Variants in COMMD10 observed in about 807,000 individuals in gnomAD.
COMMD10 encodes the protein COMM domain-containing protein 10.
In COMMD10, 33 loss-of-function variants were observed where a neutral mutation model predicts 28.9. The ratio of observed to expected loss-of-function variants is 1.14; its 90% CI spans 0.87 to 1.53. COMMD10 has a LOEUF of 1.53. Ranked by LOEUF, COMMD10 falls within the 40% of genes most tolerant of loss-of-function variation. COMMD10 has a pLI of 0.00. For missense variants in COMMD10, 310 were observed against 233.4 expected (o/e 1.33, Z -2.14); for synonymous variants, 110 against 81.7 (o/e 1.35, Z -1.87).
intron 5 of COMMD10, among the ~76,000 whole-genome samples, chr5:116,195,371 G>A (rs1002709114): frequency 1.3e-5 from 2 of 151,808 alleles, no homozygotes; most frequent in African/African-American, 2.4e-5. Context: ...GAGAAAGACT[G>A]TCAGTGTTTG....
chr5:116,245,987 C>A (rs1379379786), intron 5 of COMMD10, among the ~76,000 whole-genome samples: 1 of 152,024 alleles, frequency 6.6e-6, no homozygotes, highest in Non-Finnish European at 1.5e-5. Context: ...CTGGCCAGGG[C>A]AAATAGGCCA....
At chr5:116,238,103 G>A (rs1251278237) in intron 5 of COMMD10, among the ~76,000 whole-genome samples, 2 of 152,190 alleles carry the variant, frequency 1.3e-5, no homozygotes, top group African/African-American at 4.8e-5. Context: ...TAGAGTTCCA[G>A]TAGGAGGCCA....
chr5:116,225,642 T>A (rs1246308024), intron 5 of COMMD10, among the ~76,000 whole-genome samples: 1 of 152,138 alleles, frequency 6.6e-6, no homozygotes, highest in African/African-American at 2.4e-5. Flanking sequence ...TTCTTTGTTG[T>A]TTCTTTGTGT....
intron 5 of COMMD10, among the ~76,000 whole-genome samples, chr5:116,165,179 T>C (rs547373027): frequency 1.3e-5 from 2 of 152,278 alleles, no homozygotes; most frequent in South Asian, 4.1e-4. Context: ...ATGAGAAAAG[T>C]CTGAATTATC....
chr5:116,131,161 G>T (rs181581990), intron 4 of COMMD10, among the ~76,000 whole-genome samples: 1 of 151,998 alleles, frequency 6.6e-6, no homozygotes, highest in Non-Finnish European at 1.5e-5. Flanking sequence ...AGTGAGGCAG[G>T]TCTTATTGTG....
chr5:116,195,554 T>C (rs1036936392), intron 5 of COMMD10, among the ~76,000 whole-genome samples: 1 of 152,008 alleles, frequency 6.6e-6, no homozygotes, highest in South Asian at 2.1e-4. Context: ...CAACCCCTTT[T>C]ACAATAGCAA....
At chr5:116,291,725 A>G (rs974531820) in intron 6 of COMMD10, 149 bp downstream of exon 6, 1 of 525,648 alleles carries the variant, frequency 1.9e-6, no homozygotes, top group Non-Finnish European at 3.3e-6. Context: ...CACAGGAGGA[A>G]GTATAGCAGA....
intron 5 of COMMD10, among the ~76,000 whole-genome samples, chr5:116,253,555 CAT>C (rs1315202330): frequency 2.9e-5 from 4 of 135,712 alleles, no homozygotes; most frequent in Non-Finnish European, 6.3e-5. Flanking sequence ...TTGAGATAAT[CAT>C]GTGGTTTTTG....
chr5:116,282,885 T>A (rs1163473453), intron 5 of COMMD10, among the ~76,000 whole-genome samples: 1 of 151,896 alleles, frequency 6.6e-6, no homozygotes, highest in Non-Finnish European at 1.5e-5. Context: ...CTTAAAAATT[T>A]TGAGAACACA....
intron 5 of COMMD10, among the ~76,000 whole-genome samples, chr5:116,284,000 G>A (rs557499662): frequency 5.9e-5 from 9 of 151,600 alleles, no homozygotes; most frequent in East Asian, 3.9e-4. Context: ...GTGTGGAAGC[G>A]CACTTCTAAT....
At chr5:116,220,407 C>T (rs1359610738) in intron 5 of COMMD10, among the ~76,000 whole-genome samples, 1 of 99,410 alleles carries the variant, frequency 1.0e-5, no homozygotes, top group Non-Finnish European at 2.7e-5. Context: ...TTTATCTTTT[C>T]CCTGTAATTC....
At chr5:116,158,008 A>G (rs994163733) in intron 5 of COMMD10, among the ~76,000 whole-genome samples, 7 of 151,140 alleles carry the variant, frequency 4.6e-5, no homozygotes, top group Non-Finnish European at 1.0e-4. Flanking sequence ...GTGTGCCTCC[A>G]AAGTCTGTGT....
At chr5:116,257,262 G>A (rs1195367999) in intron 5 of COMMD10, among the ~76,000 whole-genome samples, 2 of 151,590 alleles carry the variant, frequency 1.3e-5, no homozygotes, top group African/African-American at 4.9e-5. Flanking sequence ...TTCAGATGTT[G>A]GAGCATTTCA....
chr5:116,275,391 G>A (rs1458361118), intron 5 of COMMD10, among the ~76,000 whole-genome samples: 1 of 151,774 alleles, frequency 6.6e-6, no homozygotes, highest in Non-Finnish European at 1.5e-5. Context: ...TATCAGATTA[G>A]ATATCAGTTC....
intron 5 of COMMD10, among the ~76,000 whole-genome samples, chr5:116,269,819 A>C (rs1188323238): frequency 6.6e-6 from 1 of 151,794 alleles, no homozygotes; most frequent in Admixed American, 6.6e-5. Flanking sequence ...CTGACTTGCC[A>C]GTCTTACTTC....
At chr5:116,097,056 G>T (rs1049307350) in intron 4 of COMMD10, among the ~76,000 whole-genome samples, 1 of 151,680 alleles carries the variant, frequency 6.6e-6, no homozygotes, top group Non-Finnish European at 1.5e-5. Flanking sequence ...TTACTTTTTA[G>T]TGTCTTCATG....
At chr5:116,291,753 A>G (rs1415282881) in intron 6 of COMMD10, among the ~76,000 whole-genome samples, 177 bp downstream of exon 6, 4 of 152,122 alleles carry the variant, frequency 2.6e-5, no homozygotes, top group Non-Finnish European at 5.9e-5. Flanking sequence ...AGAATTTGAA[A>G]AACTAAATCA....
At chr5:116,273,964 G>C (rs1441025748) in intron 5 of COMMD10, among the ~76,000 whole-genome samples, 1 of 151,628 alleles carries the variant, frequency 6.6e-6, no homozygotes, top group Non-Finnish European at 1.5e-5. Flanking sequence ...AACTTTAGAT[G>C]ATATCAGTCA....
At chr5:116,231,601 A>AT (rs869197966) in intron 5 of COMMD10, among the ~76,000 whole-genome samples, 1 of 149,762 alleles carries the variant, frequency 6.7e-6, no homozygotes, top group Non-Finnish European at 1.5e-5. Context: ...CAAACTTATT[A>AT]TTTTCTTAAA....
Sources: gnomAD v4.1 joint callset for allele counts (sites outside exome capture counted in the v4.1 genomes callset) on GRCh38, gnomAD v4.1.1 for gene constraint, MANE v1.5 for transcripts, NCBI Gene and HGNC (gene_info 2026-07-23, HGNC 2026-07-21) for gene names.